Variants in NCK2 observed in about 807,000 individuals in gnomAD.
NCK2 encodes the protein NCK adaptor protein 2.
NCK2 carries 16 observed loss-of-function variants against 33.9 expected under a neutral mutation model. The observed-to-expected ratio is 0.47, with a 90% CI of 0.32 to 0.72. The LOEUF is 0.72. Among genes scored for constraint, NCK2 ranks in the 30% least tolerant of loss-of-function variants. The probability of loss-of-function intolerance (pLI) is 0.03; values close to 1 mark genes in which losing one functional copy is unlikely to be tolerated. For missense variants in NCK2, 418 were observed against 537.3 expected (o/e 0.78, Z 2.19); for synonymous variants, 273 against 239.9 (o/e 1.14, Z -1.27).
At chr2:105,863,202 G>A (rs1470111974) in intron 3 of NCK2, among the ~76,000 whole-genome samples, 4 of 152,108 alleles carry the variant, frequency 2.6e-5, no homozygotes, top group South Asian at 2.1e-4. Flanking sequence ...CTGGGAAATC[G>A]GAAATTCTCA....
intron 2 of NCK2, among the ~76,000 whole-genome samples, chr2:105,817,366 A>G (rs1675534257): frequency 6.6e-6 from 1 of 152,164 alleles, no homozygotes; most frequent in Non-Finnish European, 1.5e-5. Flanking sequence ...TCACTGTGCA[A>G]CAAAAATATT....
At chr2:105,767,902 A>G (rs143376105) in intron 1 of NCK2, among the ~76,000 whole-genome samples, 63 of 152,204 alleles carry the variant, frequency 4.1e-4, no homozygotes, top group African/African-American at 1.5e-3. Context: ...TTCCCTCTCT[A>G]TTACTCACAT....
chr2:105,779,818 C>G (rs990247078), intron 1 of NCK2, among the ~76,000 whole-genome samples: 1 of 152,062 alleles, frequency 6.6e-6, no homozygotes, highest in Non-Finnish European at 1.5e-5. Flanking sequence ...AGAGTCCTCA[C>G]GTTCTGTATG....
intron 2 of NCK2, among the ~76,000 whole-genome samples, chr2:105,838,959 CAG>C (rs1441519239): frequency 2.0e-5 from 3 of 152,084 alleles, no homozygotes; most frequent in African/African-American, 7.2e-5. Flanking sequence ...AAAGAGAAAA[CAG>C]AAGAAAGGAA....
chr2:105,840,353 T>G (rs575685393), intron 2 of NCK2, among the ~76,000 whole-genome samples: 2 of 152,300 alleles, frequency 1.3e-5, no homozygotes, highest in South Asian at 4.1e-4. Context: ...TTCTTCCGAT[T>G]GCCTGAATTT....
At chr2:105,797,606 T>C (rs1010727444) in intron 1 of NCK2, among the ~76,000 whole-genome samples, 2 of 152,112 alleles carry the variant, frequency 1.3e-5, no homozygotes, top group Admixed American at 1.3e-4. Context: ...CTGGTTGGAG[T>C]CCCTGTGTGG....
intron 1 of NCK2, among the ~76,000 whole-genome samples, chr2:105,781,283 G>A (rs1057177075): frequency 2.7e-5 from 4 of 146,782 alleles, no homozygotes; most frequent in South Asian, 2.1e-4. Flanking sequence ...CAAGGGAGCC[G>A]TGCACTTTTT....
Position 105,745,087 on chromosome 2 carries a change from G to T in NCK2, c.-252G>T, listed in dbSNP as rs1451885140. 2.0e-5 allele frequency: 3 copies of T among 147,402 alleles called. No homozygotes were observed. The highest frequency in any genetic ancestry group is 6.7e-5 in the Admixed American group (1 of 14,850). The allele number at this position is 147,402 out of a possible 1,614,324, so 9.1% of individuals were successfully genotyped here. A position where few individuals can be genotyped will look rare whatever the true frequency, so the allele number is the denominator to read the frequency against. On this transcript the variant is annotated 5_prime_UTR_variant, in exon 1 of 5. Coordinates refer to ENST00000233154, the MANE Select transcript of NCK2 (RefSeq NM_003581.5). ...CCTGGGCGGGCGCAGCGCGGCCACC[G>T]CCCCGGGACCCGCGCCGCTGCCCTC...
chr2:105,854,376 T>TA (rs1431497283), intron 2 of NCK2: 1 of 152,200 alleles, frequency 6.6e-6, no homozygotes, highest in East Asian at 1.9e-4. Flanking sequence ...TTTATATTTA[T>TA]AAAAAAGTTC....
chr2:105,841,071 G>T (rs1164202937), intron 2 of NCK2, among the ~76,000 whole-genome samples: 3 of 152,210 alleles, frequency 2.0e-5, no homozygotes, highest in African/African-American at 7.2e-5. Context: ...CTTCCCAGGT[G>T]CAGAACAAGT....
intron 2 of NCK2, among the ~76,000 whole-genome samples, chr2:105,841,560 C>T (rs1676646778): frequency 6.6e-6 from 1 of 152,200 alleles, no homozygotes; most frequent in African/African-American, 2.4e-5. Flanking sequence ...ATTGCATAGG[C>T]ATGACTGGTT....
chr2:105,863,023 A>T (rs147525703), intron 3 of NCK2, among the ~76,000 whole-genome samples: 81 of 151,938 alleles, frequency 5.3e-4, no homozygotes, highest in African/African-American at 1.9e-3. Flanking sequence ...CCAGATGTCA[A>T]CGTGCCCAGC....
intron 3 of NCK2, among the ~76,000 whole-genome samples, chr2:105,874,773 A>G (rs1265885277): frequency 6.6e-6 from 1 of 152,230 alleles, no homozygotes; most frequent in Non-Finnish European, 1.5e-5. Flanking sequence ...CTTTAAATTT[A>G]CTGACATTAA....
intron 1 of NCK2, among the ~76,000 whole-genome samples, chr2:105,785,042 G>A (rs1367814696): frequency 2.6e-5 from 4 of 152,166 alleles, no homozygotes; most frequent in Admixed American, 1.3e-4. Context: ...GCAGTGGCGC[G>A]ATCTCAGCTC....
chr2:105,793,711 C>T (rs1176308606), intron 1 of NCK2, among the ~76,000 whole-genome samples: 3 of 152,200 alleles, frequency 2.0e-5, no homozygotes, highest in Admixed American at 1.3e-4. Flanking sequence ...TCAGGCTGCC[C>T]CAGCCTTGGC....
chr2:105,821,531 C>A (rs888647273), intron 2 of NCK2, among the ~76,000 whole-genome samples: 1 of 152,114 alleles, frequency 6.6e-6, no homozygotes, highest in Non-Finnish European at 1.5e-5. Context: ...TTTAATGCTG[C>A]GGATAAATCT....
At chr2:105,820,777 T>C (rs1675697352) in intron 2 of NCK2, among the ~76,000 whole-genome samples, 1 of 152,264 alleles carries the variant, frequency 6.6e-6, no homozygotes, top group Non-Finnish European at 1.5e-5. Flanking sequence ...GTTTGACTTT[T>C]GAAAAGCTTT....
At chr2:105,831,410 C>CTTTTTTTTTTTTTTTTTTT (rs56247904) in intron 2 of NCK2, among the ~76,000 whole-genome samples, 2 of 144,846 alleles carry the variant, frequency 1.4e-5, no homozygotes, top group African/African-American at 2.5e-5. Flanking sequence ...AGCATGATAT[C>CTTTTTTTTTTTTTTTTTTT]TTTTTTTTTT....
At chr2:105,770,274 T>G (rs1405746664) in intron 1 of NCK2, among the ~76,000 whole-genome samples, 1 of 152,232 alleles carries the variant, frequency 6.6e-6, no homozygotes, top group Non-Finnish European at 1.5e-5. Context: ...ACAGAATTCT[T>G]TGAACTTTAA....
Sources: gnomAD v4.1 joint callset for allele counts (sites outside exome capture counted in the v4.1 genomes callset) on GRCh38, gnomAD v4.1.1 for gene constraint, MANE v1.5 for transcripts, NCBI Gene and HGNC (gene_info 2026-07-23, HGNC 2026-07-21) for gene names.